KAT14: variants seen among roughly 807,000 people sequenced by gnomAD.
The protein encoded by KAT14 is cysteine-rich protein 2-binding protein.
In KAT14, 66 loss-of-function variants were observed where a neutral mutation model predicts 78.4. The observed-to-expected ratio is 0.84, with a 90% CI of 0.69 to 1.03. The LOEUF (loss-of-function observed/expected upper bound fraction) is 1.03. Among genes scored for constraint, KAT14 ranks in the 50% least tolerant of loss-of-function variants. The pLI, the probability that KAT14 is intolerant of heterozygous loss-of-function variation, is 0.00. For missense variants in KAT14, 870 were observed against 972.5 expected, an observed-to-expected ratio of 0.89 and a Z score of 1.40; for synonymous variants, 344 against 359.4, an observed-to-expected ratio of 0.96 and a Z score of 0.48.
intron 8 of KAT14, 127 bp from the exon 9 acceptor site, chr20:18,182,996 C>T (rs1313873479): frequency 1.5e-6 from 2 of 1,311,952 alleles, no homozygotes; most frequent in Non-Finnish European, 2.0e-6. Flanking sequence ...AAGCCAGCTT[C>T]GTGTAAAACA....
chr20:18,183,504 G>T (rs2039341207), intron 9 of KAT14: 1 of 984,764 alleles, frequency 1.0e-6, no homozygotes, highest in Middle Eastern at 5.2e-4. Context: ...GTTTTTGTTT[G>T]TTTCTCTTCC....
chr20:18,137,566 G>T (rs1184820747), upstream of KAT14, among the ~76,000 whole-genome samples: 1 of 152,212 alleles, frequency 6.6e-6, no homozygotes, highest in Non-Finnish European at 1.5e-5. Flanking sequence ...GTCTGTGGGA[G>T]AGGGGTCAGC....
At chr20:18,167,187 A>G (rs1262357366) in intron 7 of KAT14, among the ~76,000 whole-genome samples, 1 of 152,118 alleles carries the variant, frequency 6.6e-6, no homozygotes, top group East Asian at 1.9e-4. Context: ...TTATTGTCCC[A>G]TTTGGTCCCA....
chr20:18,184,944 T>C (rs1001865084), intron 10 of KAT14, 152 bp downstream of exon 10: 2 of 799,936 alleles, frequency 2.5e-6, no homozygotes, highest in Non-Finnish European at 3.6e-6. Context: ...TCAGCATTCA[T>C]GAGGTTATCA....
chr20:18,186,663 A>G (rs963001072), intron 10 of KAT14, among the ~76,000 whole-genome samples: 1 of 152,228 alleles, frequency 6.6e-6, no homozygotes, highest in Non-Finnish European at 1.5e-5. Context: ...GTGTTGATAG[A>G]ATGATTGTTA....
chr20:18,150,709 C>G, intron 3 of KAT14, 112 bp from the exon 4 acceptor site: 1 of 1,515,314 alleles, frequency 6.6e-7, no homozygotes, highest in Non-Finnish European at 8.9e-7. Context: ...TTTGTTCGCT[C>G]TGTTCCCCAC....
intron 4 of KAT14, among the ~76,000 whole-genome samples, chr20:18,151,252 A>G (rs1365117444): frequency 2.6e-5 from 4 of 152,056 alleles, no homozygotes; most frequent in African/African-American, 9.7e-5. Context: ...GCTAGAGTGC[A>G]GTGGCGTGAT....
Position 18,159,074 on chromosome 20 carries a change from G to T in KAT14, c.501-10G>T. 2 of 1,590,188 alleles carry T rather than the reference G, an allele frequency of 1.3e-6. No individual in the cohort carries two copies. Among genetic ancestry groups the T allele is most frequent in the Non-Finnish European group, 8.5e-7 (1 of 1,172,986 alleles). On this transcript the variant is annotated splice_polypyrimidine_tract_variant and intron_variant, in intron 4 of 10. Transcript: ENST00000688188. Reference sequence around the variant, plus strand: ...AGTGCCAATCATTTTTAAATTCTTGGACTCTTTAGGAAAAAGACGTCTACC... The same window carrying T: ...AGTGCCAATCATTTTTAAATTCTTGTACTCTTTAGGAAAAAGACGTCTACC...
Position 18,162,860 on chromosome 20 carries a change from A to G in KAT14, c.1583A>G (p.Lys528Arg), listed in dbSNP as rs757791550. The change falls in exon 7 of 11, where the codon AAA becomes AGA. Residue 528 changes from lysine (K) to arginine (R), a missense_variant. Coordinates refer to ENST00000688188, the MANE Select transcript of KAT14 (RefSeq NM_001392073.1). ...LLLVDGIYGA[K>R]EGGISRLPAG... ...TTAGTTGACGGGATTTATGGAGCCAAAGAAGGAGGAATTTCCAGACTTCCA... is the reference window on the plus strand; with the variant it reads ...TTAGTTGACGGGATTTATGGAGCCAGAGAAGGAGGAATTTCCAGACTTCCA... 2.5e-6 allele frequency: 4 copies of G among 1,613,930 alleles called. No individual in the cohort carries two copies. Among genetic ancestry groups the G allele is most frequent in the East Asian group, 2.2e-5 (1 of 44,886 alleles).
At chr20:18,176,157 C>T (rs2039037880) in intron 7 of KAT14, among the ~76,000 whole-genome samples, 1 of 152,020 alleles carries the variant, frequency 6.6e-6, no homozygotes, top group Non-Finnish European at 1.5e-5. Flanking sequence ...CAAAAATTAG[C>T]CAGGCATGCT....
chr20:18,145,186 C>G (rs771243507), intron 2 of KAT14, 47 bp from the exon 3 acceptor site: 12 of 1,597,094 alleles, frequency 7.5e-6, no homozygotes, highest in Non-Finnish European at 1.0e-5. Flanking sequence ...TTTAGGTTAC[C>G]GCTGCTCTAG....
At chr20:18,161,786 G>A (rs1428482267) in intron 5 of KAT14, 37 bp from the exon 6 acceptor site, 1 of 1,577,622 alleles carries the variant, frequency 6.3e-7, no homozygotes, top group African/African-American at 1.4e-5. Context: ...CATTTCAGAT[G>A]AGGGATACTC....
In KAT14 at chr20:18,148,002, T is replaced by C. The variant is rs556009542; in HGVS notation, c.378+2651T>C. ...GAAGTGATAACTTAGGTTGCACATATGTGGTTCTTAGCAAACAACTGACCA... is the reference window on the plus strand; with the variant it reads ...GAAGTGATAACTTAGGTTGCACATACGTGGTTCTTAGCAAACAACTGACCA... On this transcript the variant is annotated intron_variant, in intron 3 of 10. Transcript: ENST00000688188. Among the ~76,000 whole-genome samples the C allele has an allele frequency of 4.5e-4, 69 of 152,240 alleles. 1 individual carries two copies. Among genetic ancestry groups the C allele is most frequent in the Non-Finnish European group, 8.4e-4 (57 of 68,040 alleles).
chr20:18,183,516 T>C lies in KAT14; in HGVS notation c.1981+218T>C, dbSNP rs554189349. 53 of 985,150 alleles carry C rather than the reference T, an allele frequency of 5.4e-5. No individual in the cohort carries two copies. In the South Asian group the frequency reaches 5.6e-4, roughly 10 times the overall value. 61.0% of individuals were successfully genotyped at this position (985,150 alleles called of 1,614,324 possible). On this transcript the variant is annotated intron_variant, in intron 9 of 10. Coordinates refer to ENST00000688188, the MANE Select transcript of KAT14 (RefSeq NM_001392073.1). ...AGTGTTTTTGTTTGTTTCTCTTCCC[T>C]GTTTGTCTCTGTTTCCAGAGTAAAA...
chr20:18,140,291 A>G (rs1481597004), intron 1 of KAT14, among the ~76,000 whole-genome samples: 1 of 152,050 alleles, frequency 6.6e-6, no homozygotes, highest in African/African-American at 2.4e-5. Context: ...GATCTTGCCA[A>G]GGGTGCATGG....
chr20:18,184,441 T>G (rs1343103623), intron 9 of KAT14, among the ~76,000 whole-genome samples, 161 bp from the exon 10 acceptor site: 3 of 152,176 alleles, frequency 2.0e-5, no homozygotes, highest in Admixed American at 1.3e-4. Context: ...ACTCTTATTT[T>G]TATGATCTGG....
chr20:18,141,806 C>G (rs2037596194), intron 1 of KAT14, among the ~76,000 whole-genome samples: 1 of 152,164 alleles, frequency 6.6e-6, no homozygotes, highest in Non-Finnish European at 1.5e-5. Context: ...ATCACTTGAA[C>G]CCAGGAGGTG....
At chr20:18,148,603 A>ATTTTTTTTTTTTTTTTTTTTTTTTT (rs978610988) in intron 3 of KAT14, among the ~76,000 whole-genome samples, 1 of 142,870 alleles carries the variant, frequency 7.0e-6, no homozygotes, top group African/African-American at 2.6e-5. Context: ...ACTGGGGTTC[A>ATTTTTTTTTTTTTTTTTTTTTTTTT]TTTTTTTTTG....
intron 4 of KAT14, among the ~76,000 whole-genome samples, chr20:18,154,265 C>T (rs1442809760): frequency 6.6e-6 from 1 of 152,164 alleles, no homozygotes; most frequent in Non-Finnish European, 1.5e-5. Flanking sequence ...TTCATAGCTA[C>T]TAAAGATTTT....
Sources: gnomAD v4.1 joint callset for allele counts (sites outside exome capture counted in the v4.1 genomes callset) on GRCh38, gnomAD v4.1.1 for gene constraint, MANE v1.5 for transcripts, NCBI Gene and HGNC (gene_info 2026-07-23, HGNC 2026-07-21) for gene names.